The following CA10 variants were observed in gnomAD, a reference collection of about 807,000 sequenced individuals.
The protein encoded by CA10 is carbonic anhydrase-related protein 10.
CA10 carries 14 observed loss-of-function variants against 44.2 expected under a neutral mutation model. The ratio of observed to expected loss-of-function variants is 0.32; its 90% CI spans 0.21 to 0.50. The LOEUF is 0.50. Among genes scored for constraint, CA10 ranks in the 20% least tolerant of loss-of-function variants. CA10 has a pLI of 0.99. For synonymous variants in CA10, 159 were observed against 141.6 expected, an observed-to-expected ratio of 1.12 and a Z score of -0.87; for missense variants, 350 against 409.7, an observed-to-expected ratio of 0.85 and a Z score of 1.26.
At chr17:51,828,721 A>T (rs1379917865) in intron 3 of CA10, among the ~76,000 whole-genome samples, 1 of 152,200 alleles carries the variant, frequency 6.6e-6, no homozygotes, top group Non-Finnish European at 1.5e-5. Flanking sequence ...AAACAAAACA[A>T]TTTTTATGCT....
chr17:52,125,272 C>G (rs921163340), intron 1 of CA10, among the ~76,000 whole-genome samples: 1 of 152,170 alleles, frequency 6.6e-6, no homozygotes, highest in Non-Finnish European at 1.5e-5. Context: ...TTTTCCAGTG[C>G]TACTGTAGTG....
At chr17:52,134,960 C>T (rs1461044992) in intron 1 of CA10, 6 of 518,950 alleles carry the variant, frequency 1.2e-5, no homozygotes, top group Admixed American at 1.9e-5. Flanking sequence ...CTGGCCATTG[C>T]TCTCCATGTG....
At chr17:52,052,943 G>A (rs1987119387) in intron 2 of CA10, among the ~76,000 whole-genome samples, 1 of 151,892 alleles carries the variant, frequency 6.6e-6, no homozygotes, top group Admixed American at 6.6e-5. Context: ...GAGAGAGAGA[G>A]TGTGTGTGAG....
At chr17:51,993,189 C>T (rs1167558211) in intron 2 of CA10, among the ~76,000 whole-genome samples, 1 of 152,014 alleles carries the variant, frequency 6.6e-6, no homozygotes, top group Non-Finnish European at 1.5e-5. Context: ...AGTCTGGGAG[C>T]TTTTTTATGA....
intron 3 of CA10, among the ~76,000 whole-genome samples, chr17:51,898,800 G>A (rs11652031): frequency 6.6e-6 from 1 of 151,766 alleles, no homozygotes; most frequent in Non-Finnish European, 1.5e-5. Flanking sequence ...TTCCAGAAAT[G>A]TATCCATTTC....
chr17:51,889,006 T>C (rs1329745160), intron 3 of CA10, among the ~76,000 whole-genome samples: 6 of 152,106 alleles, frequency 3.9e-5, no homozygotes, highest in South Asian at 2.1e-4. Flanking sequence ...CTCTTAGAAG[T>C]TGGCCGGGAG....
At chr17:51,754,452 G>A (rs1160716765) in intron 3 of CA10, among the ~76,000 whole-genome samples, 36 of 96,664 alleles carry the variant, frequency 3.7e-4, no homozygotes, top group Admixed American at 2.3e-3. Flanking sequence ...TATATATCAC[G>A]TAAAATAAAG....
In CA10 at chr17:52,155,031, C is replaced by T. The variant is rs147695988; in HGVS notation, c.61+2695G>A. Among the ~76,000 whole-genome samples, 46 of 152,310 alleles carry T rather than the reference C, an allele frequency of 3.0e-4. No homozygotes were observed. In the East Asian group the frequency reaches 8.7e-3, roughly 29 times the overall value. On this transcript the variant is annotated intron_variant, in intron 1 of 8. Coordinates refer to ENST00000451037, the MANE Select transcript of CA10 (RefSeq NM_020178.5). The stretch of plus-strand genomic sequence containing the variant: ...GCCAATGTTTTCCTGAAAGCAAATG[C>T]CACCAAATGAAATTCAGTCAATATA...
At chr17:51,831,996 G>A (rs1908300856) in intron 3 of CA10, among the ~76,000 whole-genome samples, 1 of 152,158 alleles carries the variant, frequency 6.6e-6, no homozygotes, top group South Asian at 2.1e-4. Context: ...ATGGGACTCC[G>A]CTCCTAGAAG....
intron 2 of CA10, among the ~76,000 whole-genome samples, chr17:52,042,329 TTC>T (rs1986793365): frequency 6.6e-6 from 1 of 152,084 alleles, no homozygotes; most frequent in African/African-American, 2.4e-5. Flanking sequence ...TAATTTGCAT[TTC>T]TCTTATGATT....
rs537495416 is a variant in CA10 at position 51,856,615 on chromosome 17, C to T, written c.279+74375G>A. On this transcript the variant is annotated intron_variant, in intron 3 of 8. Transcript: ENST00000451037. ...GTTTACTTATTTATTTGGTCCACAACGAGGAGGAATACAGAGCTGAATATG... is the reference window on the plus strand; with the variant it reads ...GTTTACTTATTTATTTGGTCCACAATGAGGAGGAATACAGAGCTGAATATG... Among the ~76,000 whole-genome samples, 15 of 152,146 alleles carry T rather than the reference C, an allele frequency of 9.9e-5. 1 individual carries two copies. The highest frequency in any genetic ancestry group is 1.9e-4 in the Non-Finnish European group (13 of 68,032).
intron 6 of CA10, among the ~76,000 whole-genome samples, chr17:51,638,858 AG>A (rs1225607065): frequency 6.6e-6 from 1 of 152,196 alleles, no homozygotes; most frequent in Non-Finnish European, 1.5e-5. Flanking sequence ...GGAATCGGGT[AG>A]GGTGTCAAGG....
intron 1 of CA10, among the ~76,000 whole-genome samples, chr17:52,145,872 C>T (rs1989571726): frequency 6.6e-6 from 1 of 151,870 alleles, no homozygotes; most frequent in African/African-American, 2.4e-5. Context: ...CTGTTTGACC[C>T]AATAATCACA....
intron 4 of CA10, among the ~76,000 whole-genome samples, chr17:51,697,173 C>G (rs563991774): frequency 4.6e-5 from 7 of 151,890 alleles, no homozygotes; most frequent in Non-Finnish European, 1.0e-4. Flanking sequence ...TACTTAAACT[C>G]TCTGTACCTT....
chr17:52,087,295 C>T (rs1021597732), intron 1 of CA10, among the ~76,000 whole-genome samples: 2 of 152,182 alleles, frequency 1.3e-5, no homozygotes, highest in African/African-American at 4.8e-5. Flanking sequence ...CGTGTGCCAC[C>T]ACACCCGGCT....
At chr17:51,945,186 T>C (rs1418085100) in intron 2 of CA10, among the ~76,000 whole-genome samples, 1 of 152,176 alleles carries the variant, frequency 6.6e-6, no homozygotes, top group East Asian at 1.9e-4. Context: ...AATTGGCTGA[T>C]GAATCCATTC....
chr17:51,889,504 A>C (rs768391570), intron 3 of CA10, among the ~76,000 whole-genome samples: 1 of 152,202 alleles, frequency 6.6e-6, no homozygotes, highest in Non-Finnish European at 1.5e-5. Flanking sequence ...AGCCTAGATG[A>C]CAGTGAGGCC....
chr17:52,032,619 G>A (rs1986501131), intron 2 of CA10, among the ~76,000 whole-genome samples: 1 of 152,166 alleles, frequency 6.6e-6, no homozygotes, highest in Non-Finnish European at 1.5e-5. Context: ...GAGAAGTTGG[G>A]TTTGGGCCAA....
chr17:51,924,766 C>A lies in CA10; in HGVS notation c.279+6224G>T, dbSNP rs1192358355. Among the ~76,000 whole-genome samples the A allele has an allele frequency of 2.0e-5, 3 of 152,168 alleles. No homozygotes were observed. The East Asian group carries it at 5.8e-4, about 29-fold the overall frequency. ...TGGTCTCCAGGTTCTGGTCCTCACT[C>A]CCTCTCCTCACCCCTTCCAGACCTG... is the stretch of plus-strand genomic sequence containing the variant. On this transcript the variant is annotated intron_variant, in intron 3 of 8. Transcript: ENST00000451037.
Sources: allele counts gnomAD v4.1 joint callset (sites outside exome capture counted in the v4.1 genomes callset), GRCh38; gene constraint gnomAD v4.1.1; transcripts MANE v1.5; gene names NCBI Gene and HGNC (gene_info 2026-07-23, HGNC 2026-07-21).